PPP3CA: variants seen among roughly 807,000 people sequenced by gnomAD.
The protein encoded by PPP3CA is protein phosphatase 3 catalytic subunit alpha, also known as CAM-PRP catalytic subunit.
PPP3CA carries 14 observed loss-of-function variants against 66.5 expected under a neutral mutation model. That is an observed-to-expected ratio of 0.21 (90% CI 0.14 to 0.33). The LOEUF is 0.33. Among genes scored for constraint, PPP3CA ranks in the 10% least tolerant of loss-of-function variants. PPP3CA has a pLI of 1.00. For missense variants in PPP3CA, 317 were observed against 639.5 expected, an observed-to-expected ratio of 0.50 and a Z score of 5.44; for synonymous variants, 232 against 226.2, an observed-to-expected ratio of 1.03 and a Z score of -0.23.
intron 1 of PPP3CA, among the ~76,000 whole-genome samples, chr4:101,216,705 T>A (rs1047184161): frequency 6.6e-6 from 1 of 151,982 alleles, no homozygotes; most frequent in African/African-American, 2.4e-5. Context: ...ATCCATTTAT[T>A]TTTTATTTAT....
chr4:101,260,651 C>CCT (rs1214640858), intron 1 of PPP3CA, among the ~76,000 whole-genome samples: 1 of 152,004 alleles, frequency 6.6e-6, no homozygotes, highest in African/African-American at 2.4e-5. Flanking sequence ...TGTAACTTTC[C>CCT]CTCTCTCTCT....
intron 1 of PPP3CA, among the ~76,000 whole-genome samples, chr4:101,278,132 A>AAAAT (rs1553937780): frequency 1.4e-5 from 2 of 143,370 alleles, no homozygotes; most frequent in African/African-American, 5.9e-5. Flanking sequence ...TAAAAAAAAA[A>AAAAT]AAAAAAATAA....
chr4:101,288,670 T>C (rs1397563529), intron 1 of PPP3CA, among the ~76,000 whole-genome samples: 1 of 151,862 alleles, frequency 6.6e-6, no homozygotes, highest in Non-Finnish European at 1.5e-5. Flanking sequence ...AAGTTTAGCA[T>C]GCTAGTTACA....
chr4:101,340,184 G>A (rs1729769098), intron 1 of PPP3CA, among the ~76,000 whole-genome samples: 1 of 152,030 alleles, frequency 6.6e-6, no homozygotes, highest in Non-Finnish European at 1.5e-5. Context: ...TCCCTCTTTT[G>A]CAGACAGACA....
At chr4:101,322,241 A>G (rs1169958739) in intron 1 of PPP3CA, among the ~76,000 whole-genome samples, 2 of 152,156 alleles carry the variant, frequency 1.3e-5, no homozygotes, top group Non-Finnish European at 2.9e-5. Context: ...CAAAATTCAT[A>G]TGGTGAAATC....
intron 1 of PPP3CA, among the ~76,000 whole-genome samples, chr4:101,338,036 T>G (rs1409284694): frequency 1.3e-5 from 2 of 152,232 alleles, no homozygotes; most frequent in Non-Finnish European, 2.9e-5. Flanking sequence ...TTTTATTCAT[T>G]TGAATTTGCA....
intron 1 of PPP3CA, among the ~76,000 whole-genome samples, chr4:101,326,331 C>T (rs1467169358): frequency 6.6e-6 from 1 of 152,200 alleles, no homozygotes; most frequent in Non-Finnish European, 1.5e-5. Flanking sequence ...AATTATTTAG[C>T]ATCTTTGATT....
chr4:101,090,271 T>C (rs1341737459), intron 6 of PPP3CA, among the ~76,000 whole-genome samples: 2 of 152,190 alleles, frequency 1.3e-5, no homozygotes, highest in Non-Finnish European at 2.9e-5. Context: ...AGTCTATATA[T>C]AGGCCACAGA....
chr4:101,106,450 A>AAAGAAAGAAAGAAAGAAAGAAGG (rs751759518), intron 3 of PPP3CA, among the ~76,000 whole-genome samples: 1 of 11,094 alleles, frequency 9.0e-5, no homozygotes, highest in Non-Finnish European at 1.7e-4. Context: ...AGAAAGAAAG[A>AAAGAAAGAAAGAAAGAAAGAAGG]AAGAGAAAAG....
intron 1 of PPP3CA, among the ~76,000 whole-genome samples, chr4:101,256,575 A>G (rs1726850206): frequency 6.6e-6 from 1 of 151,986 alleles, no homozygotes; most frequent in South Asian, 2.1e-4. Flanking sequence ...CAAATAAACC[A>G]TATCTACAAT....
intron 2 of PPP3CA, among the ~76,000 whole-genome samples, chr4:101,127,257 G>A (rs1240410523): frequency 6.6e-6 from 1 of 151,762 alleles, no homozygotes; most frequent in Non-Finnish European, 1.5e-5. Context: ...CTCTGTTCTA[G>A]ATATTATGGG....
At chr4:101,113,999 C>T (rs1296624852) in intron 2 of PPP3CA, among the ~76,000 whole-genome samples, 1 of 152,116 alleles carries the variant, frequency 6.6e-6, no homozygotes, top group African/African-American at 2.4e-5. Context: ...GCCCTTAAGG[C>T]AAGTTCACAC....
At chr4:101,134,739 AAAG>A (rs1463440829) in intron 2 of PPP3CA, among the ~76,000 whole-genome samples, 1 of 152,256 alleles carries the variant, frequency 6.6e-6, no homozygotes, top group African/African-American at 2.4e-5. Flanking sequence ...GTATATACCC[AAAG>A]AATAATAAAT....
intron 1 of PPP3CA, among the ~76,000 whole-genome samples, chr4:101,293,055 G>A (rs1728081305): frequency 6.6e-6 from 1 of 152,124 alleles, no homozygotes; most frequent in Non-Finnish European, 1.5e-5. Context: ...TGTACTCTTA[G>A]TGTTACGGTC....
At chr4:101,234,087 T>A (rs1305247121) in intron 1 of PPP3CA, among the ~76,000 whole-genome samples, 1 of 151,846 alleles carries the variant, frequency 6.6e-6, no homozygotes, top group Non-Finnish European at 1.5e-5. Context: ...CATTCCTTTT[T>A]ATGGCTGCAC....
intron 8 of PPP3CA, among the ~76,000 whole-genome samples, chr4:101,072,682 C>A (rs1320363455): frequency 6.6e-6 from 1 of 152,048 alleles, no homozygotes; most frequent in African/African-American, 2.4e-5. Flanking sequence ...TATGCTATCA[C>A]AACTGAAGGG....
At chr4:101,343,494 G>C (rs1729882897) in intron 1 of PPP3CA, among the ~76,000 whole-genome samples, 1 of 152,112 alleles carries the variant, frequency 6.6e-6, no homozygotes, top group Non-Finnish European at 1.5e-5. Flanking sequence ...TCGGTTTGCT[G>C]TATGTATCTT....
In PPP3CA at chr4:101,220,320, C is replaced by T. The variant is rs1191104802; in HGVS notation, c.59-24204G>A. ...GCACGTTTTTTTTTTTATTTGTTTA[C>T]TTTACTTAATAGCTAAAATAATGGT... On this transcript the variant is annotated intron_variant, in intron 1 of 13. Coordinates refer to ENST00000394854, the MANE Select transcript of PPP3CA (RefSeq NM_000944.5). Among the ~76,000 whole-genome samples the T allele has an allele frequency of 2.0e-4, 29 of 142,690 alleles. No homozygotes were observed. In the East Asian group the frequency reaches 5.5e-3, roughly 27 times the overall value. The allele number at this position is 142,690 out of a possible 152,430, so 93.6% of individuals were successfully genotyped here. A position where few individuals can be genotyped will look rare whatever the true frequency, so the allele number is the denominator to read the frequency against.
At chr4:101,139,170 C>T (rs1323744906) in intron 2 of PPP3CA, among the ~76,000 whole-genome samples, 2 of 151,834 alleles carry the variant, frequency 1.3e-5, no homozygotes, top group African/African-American at 2.4e-5. Flanking sequence ...AGTGAAACCC[C>T]GTCTCTACTA....
Sources: gnomAD v4.1 joint callset for allele counts (sites outside exome capture counted in the v4.1 genomes callset) on GRCh38, gnomAD v4.1.1 for gene constraint, MANE v1.5 for transcripts, NCBI Gene and HGNC (gene_info 2026-07-23, HGNC 2026-07-21) for gene names.